Variants in INPP4B observed in about 807,000 individuals in gnomAD.
The protein encoded by INPP4B is inositol polyphosphate-4-phosphatase type II B, also known as inositol polyphosphate 4-phosphatase type II.
A neutral mutation model predicts 122.5 loss-of-function variants in INPP4B; 55 were observed. The ratio of observed to expected loss-of-function variants is 0.45; its 90% CI spans 0.36 to 0.56. INPP4B has a LOEUF of 0.56. Ranked by LOEUF, INPP4B falls within the 20% of genes least tolerant of loss-of-function variation. The pLI is 0.00. For missense variants in INPP4B, 1,000 were observed against 1,097.7 expected (o/e 0.91, Z 1.26); for synonymous variants, 403 against 388.7 (o/e 1.04, Z -0.43).
intron 3 of INPP4B, among the ~76,000 whole-genome samples, chr4:142,451,184 A>G (rs75927281): frequency 0.029 from 4,434 of 151,452 alleles, 244 homozygotes; most frequent in African/African-American, 0.1. Context: ...GAACAAAAAC[A>G]TCAAGAATAA....
At chr4:142,268,013 A>G (rs191668742) in intron 10 of INPP4B, among the ~76,000 whole-genome samples, 2 of 152,086 alleles carry the variant, frequency 1.3e-5, no homozygotes, top group African/African-American at 4.8e-5. Flanking sequence ...CACACATGTC[A>G]GAATGACTAT....
At chr4:142,292,773 C>T (rs1051594342) in intron 9 of INPP4B, among the ~76,000 whole-genome samples, 8 of 152,088 alleles carry the variant, frequency 5.3e-5, no homozygotes, top group Admixed American at 2.6e-4. Flanking sequence ...TCCCAATTTA[C>T]GTGTGTGAAC....
At chr4:142,260,826 T>C (rs1019088736) in intron 10 of INPP4B, among the ~76,000 whole-genome samples, 6 of 152,186 alleles carry the variant, frequency 3.9e-5, no homozygotes, top group Non-Finnish European at 7.4e-5. Context: ...AAAATGATTA[T>C]CCCCAACATG....
chr4:142,239,735 A>C (rs1299370059), intron 11 of INPP4B, among the ~76,000 whole-genome samples: 1 of 152,144 alleles, frequency 6.6e-6, no homozygotes, highest in Non-Finnish European at 1.5e-5. Flanking sequence ...TATATCTAAC[A>C]TGGTTAGGAA....
chr4:142,290,858 A>T (rs1561762933), intron 9 of INPP4B, among the ~76,000 whole-genome samples: 1 of 152,186 alleles, frequency 6.6e-6, no homozygotes, highest in Non-Finnish European at 1.5e-5. Context: ...TGTAGGGGCT[A>T]TTCAGGGCTC....
chr4:142,729,509 C>T (rs1490306634), intron 1 of INPP4B, among the ~76,000 whole-genome samples: 1 of 79,084 alleles, frequency 1.3e-5, no homozygotes, highest in Non-Finnish European at 2.6e-5. Flanking sequence ...TGGAATATAG[C>T]AGTGGAAAAA....
intron 2 of INPP4B, among the ~76,000 whole-genome samples, chr4:142,535,568 T>A (rs1828091939): frequency 6.6e-6 from 1 of 152,124 alleles, no homozygotes; most frequent in Non-Finnish European, 1.5e-5. Context: ...CTATAGCGAA[T>A]CTCTCACATG....
intron 1 of INPP4B, among the ~76,000 whole-genome samples, chr4:142,843,627 TC>T (rs1430873246): frequency 6.6e-6 from 1 of 152,048 alleles, no homozygotes; most frequent in African/African-American, 2.4e-5. Flanking sequence ...TGGGCATCAC[TC>T]AGTATGAAAT....
At chr4:142,283,416 G>A (rs913820284) in intron 9 of INPP4B, among the ~76,000 whole-genome samples, 3 of 152,130 alleles carry the variant, frequency 2.0e-5, no homozygotes, top group Non-Finnish European at 4.4e-5. Context: ...CAAGGCTAGA[G>A]CTATAAGAAC....
At chr4:142,787,294 T>C (rs1775896544) in intron 1 of INPP4B, among the ~76,000 whole-genome samples, 1 of 152,140 alleles carries the variant, frequency 6.6e-6, no homozygotes, top group Non-Finnish European at 1.5e-5. Context: ...GATTCGGCCA[T>C]GCAGTCTCTG....
chr4:142,232,686 G>C (rs1216363976), intron 12 of INPP4B, among the ~76,000 whole-genome samples: 1 of 152,038 alleles, frequency 6.6e-6, no homozygotes, highest in Non-Finnish European at 1.5e-5. Context: ...ATTAAAGTGA[G>C]GAAGGCATGT....
At chr4:142,492,939 G>A (rs1259420268) in intron 2 of INPP4B, among the ~76,000 whole-genome samples, 1 of 152,174 alleles carries the variant, frequency 6.6e-6, no homozygotes, top group Non-Finnish European at 1.5e-5. Context: ...ACCTAGGAGG[G>A]AAAAATGGTT....
intron 15 of INPP4B, among the ~76,000 whole-genome samples, chr4:142,185,769 C>T (rs1165060324): frequency 6.6e-6 from 1 of 151,056 alleles, no homozygotes; most frequent in Non-Finnish European, 1.5e-5. Flanking sequence ...GTCCCAGCTA[C>T]TCGGGAGGCT....
chr4:142,146,012 G>T lies in INPP4B; in HGVS notation c.1564-16C>A, dbSNP rs1437686463. ...ACACCCTGTCCTGAAAAAAGCATGAGTATCACTACATATTTTTGTCACAAA... is the reference window on the plus strand; with the variant it reads ...ACACCCTGTCCTGAAAAAAGCATGATTATCACTACATATTTTTGTCACAAA... On this transcript the variant is annotated splice_polypyrimidine_tract_variant and intron_variant, in intron 17 of 25. Transcript: ENST00000262992. 3 of 1,601,100 alleles carry T rather than the reference G, an allele frequency of 1.9e-6. No homozygotes were observed. Among genetic ancestry groups the T allele is most frequent in the East Asian group, 4.5e-5 (2 of 44,738 alleles).
intron 2 of INPP4B, among the ~76,000 whole-genome samples, chr4:142,657,589 T>C (rs980258240): frequency 1.3e-5 from 2 of 152,218 alleles, no homozygotes; most frequent in African/African-American, 2.4e-5. Flanking sequence ...ATAAGAAGGC[T>C]TGGAAATGTA....
intron 23 of INPP4B, among the ~76,000 whole-genome samples, chr4:142,106,397 CAG>C (rs1787135001): frequency 1.3e-5 from 2 of 152,158 alleles, no homozygotes; most frequent in Non-Finnish European, 2.9e-5. Context: ...TCCCACCCCT[CAG>C]CGTCCTGAGT....
intron 17 of INPP4B, among the ~76,000 whole-genome samples, chr4:142,154,634 G>C (rs1012070954): frequency 1.3e-5 from 2 of 151,970 alleles, no homozygotes; most frequent in African/African-American, 2.4e-5. Flanking sequence ...TCACTGAAGG[G>C]GAGAAACAAA....
intron 2 of INPP4B, among the ~76,000 whole-genome samples, chr4:142,663,980 A>C (rs781415885): frequency 1.3e-5 from 2 of 152,186 alleles, no homozygotes; most frequent in African/African-American, 4.8e-5. Flanking sequence ...TAAGAAATGA[A>C]ATGTATCAGA....
At chr4:142,830,919 G>A (rs879584803) in intron 1 of INPP4B, among the ~76,000 whole-genome samples, 13 of 151,896 alleles carry the variant, frequency 8.6e-5, no homozygotes, top group Admixed American at 2.0e-4. Context: ...CTACTAGGGA[G>A]GCTGAGGTGG....
Sources: allele counts gnomAD v4.1 joint callset (sites outside exome capture counted in the v4.1 genomes callset), GRCh38; gene constraint gnomAD v4.1.1; transcripts MANE v1.5; gene names NCBI Gene and HGNC (gene_info 2026-07-23, HGNC 2026-07-21).